NAA11: variants seen among roughly 807,000 people sequenced by gnomAD.
NAA11 encodes the protein N-alpha-acetyltransferase 11.
Under a neutral mutation model 16.1 loss-of-function variants are expected in NAA11, and 15 were observed. The observed-to-expected ratio is 0.93, with a 90% CI of 0.62 to 1.44. The LOEUF (loss-of-function observed/expected upper bound fraction) is 1.44, where lower values mean the gene tolerates loss of function less well. Among genes scored for constraint, NAA11 ranks in the 40% most tolerant of loss-of-function variants. The pLI, the probability that NAA11 is intolerant of heterozygous loss-of-function variation, is 0.00. For synonymous variants in NAA11, 122 were observed against 112.4 expected (o/e 1.09, Z -0.54); for missense variants, 298 against 291.3 (o/e 1.02, Z -0.17).
the NAA11 span, among the ~76,000 whole-genome samples, chr4:79,183,911 A>G: frequency 1.3e-5 from 2 of 152,210 alleles, no homozygotes; most frequent in African/African-American, 4.8e-5. Context: ...TTAAATGAGG[A>G]TCAAGTTATG....
the NAA11 span, among the ~76,000 whole-genome samples, chr4:79,206,911 A>T: frequency 6.6e-6 from 1 of 152,152 alleles, no homozygotes; most frequent in Admixed American, 6.6e-5. Context: ...AGCATCAAAG[A>T]ACAAGAATTT....
the NAA11 span, among the ~76,000 whole-genome samples, chr4:79,166,730 G>A: frequency 2.0e-5 from 3 of 148,890 alleles, no homozygotes; most frequent in Non-Finnish European, 3.0e-5. Flanking sequence ...TTAGCTGGGC[G>A]TGGTGGCACG....
the NAA11 span, among the ~76,000 whole-genome samples, chr4:79,217,203 G>A: frequency 1.3e-5 from 2 of 152,268 alleles, no homozygotes; most frequent in South Asian, 4.1e-4. Flanking sequence ...CCAGTGGCAG[G>A]CTTTGGGATG....
At chr4:79,203,545 C>T in the NAA11 span, among the ~76,000 whole-genome samples, 3 of 150,812 alleles carry the variant, frequency 2.0e-5, no homozygotes, top group African/African-American at 7.3e-5. Flanking sequence ...GTTTGTAAGA[C>T]AAAAACACAC....
intron 1 of NAA11, among the ~76,000 whole-genome samples, chr4:79,294,517 T>A (rs938690788): frequency 6.6e-6 from 1 of 152,196 alleles, no homozygotes; most frequent in Admixed American, 6.5e-5. Flanking sequence ...TTTATGAACA[T>A]GTCTAAATGC....
At chr4:79,319,822 T>G (rs1724039013) in intron 1 of NAA11, among the ~76,000 whole-genome samples, 1 of 152,232 alleles carries the variant, frequency 6.6e-6, no homozygotes, top group Non-Finnish European at 1.5e-5. Context: ...ACCAGACCTG[T>G]CAGTCTGTAG....
intron 2 of NAA11, among the ~76,000 whole-genome samples, chr4:79,282,483 T>C (rs1260742069): frequency 6.6e-6 from 1 of 152,030 alleles, no homozygotes; most frequent in African/African-American, 2.4e-5. Flanking sequence ...AGAGGTGGAA[T>C]TGACAAGAAT....
intron 2 of NAA11, among the ~76,000 whole-genome samples, chr4:79,285,239 CTG>C (rs1722881581): frequency 2.6e-5 from 4 of 152,206 alleles, no homozygotes; most frequent in Admixed American, 2.6e-4. Context: ...GACATGTTAA[CTG>C]TTGTTTATTT....
chr4:79,271,869 C>T (rs1560438898), intron 2 of NAA11, among the ~76,000 whole-genome samples: 2 of 151,848 alleles, frequency 1.3e-5, no homozygotes, highest in Non-Finnish European at 2.9e-5. Context: ...ACCTAGAATC[C>T]AGAGAGTCTA....
the NAA11 span, among the ~76,000 whole-genome samples, chr4:79,180,907 A>T: frequency 6.6e-6 from 1 of 152,218 alleles, no homozygotes; most frequent in African/African-American, 2.4e-5. Flanking sequence ...GCCATAAAAA[A>T]GGATGAGTTC....
intron 2 of NAA11, among the ~76,000 whole-genome samples, chr4:79,279,999 C>G (rs1208975993): frequency 6.6e-6 from 1 of 152,004 alleles, no homozygotes; most frequent in Non-Finnish European, 1.5e-5. Context: ...GATGTTTTGC[C>G]ACTTTCCTCT....
chr4:79,268,696 C>T (rs952419826), intron 2 of NAA11, among the ~76,000 whole-genome samples: 2 of 106,758 alleles, frequency 1.9e-5, no homozygotes, highest in Admixed American at 1.8e-4. Flanking sequence ...TAATTAAGGA[C>T]ACTTTGTATT....
At chr4:79,176,457 A>C in the NAA11 span, among the ~76,000 whole-genome samples, 1 of 152,114 alleles carries the variant, frequency 6.6e-6, no homozygotes, top group Admixed American at 6.6e-5. Flanking sequence ...CTGGAGACTC[A>C]GGAAAGAGTT....
At chr4:79,264,134 G>C (rs1722295355) in intron 2 of NAA11, among the ~76,000 whole-genome samples, 1 of 152,178 alleles carries the variant, frequency 6.6e-6, no homozygotes, top group Non-Finnish European at 1.5e-5. Flanking sequence ...CAGCACTAAA[G>C]TACAACCATG....
chr4:79,222,414 A>C (rs1289152921), downstream of NAA11, among the ~76,000 whole-genome samples: 7 of 151,666 alleles, frequency 4.6e-5, no homozygotes, highest in Middle Eastern at 3.2e-3. Context: ...TATTTAATAA[A>C]TGGTGCTGGG....
chr4:79,185,801 T>G, the NAA11 span, among the ~76,000 whole-genome samples: 30 of 152,102 alleles, frequency 2.0e-4, no homozygotes, highest in Non-Finnish European at 4.3e-4. Flanking sequence ...GGCAGGAAAC[T>G]CTTTCCAACT....
chr4:79,301,808 C>T (rs1315563106), intron 1 of NAA11, among the ~76,000 whole-genome samples: 1 of 152,118 alleles, frequency 6.6e-6, no homozygotes, highest in African/African-American at 2.4e-5. Flanking sequence ...CTTTGCAGGG[C>T]AAAGTTACCC....
chr4:79,208,386 A>G, the NAA11 span, among the ~76,000 whole-genome samples: 8 of 152,330 alleles, frequency 5.3e-5, no homozygotes, highest in African/African-American at 1.9e-4. Flanking sequence ...ACATAGTTAT[A>G]AAGTACCACG....
intron 1 of NAA11, among the ~76,000 whole-genome samples, chr4:79,298,755 C>T (rs1415460904): frequency 6.6e-6 from 1 of 152,256 alleles, no homozygotes; most frequent in African/African-American, 2.4e-5. Context: ...GTGCAGCCTA[C>T]TGGCCAAGTG....
Sources: allele counts gnomAD v4.1 joint callset (sites outside exome capture counted in the v4.1 genomes callset), GRCh38; gene constraint gnomAD v4.1.1; transcripts MANE v1.5; gene names NCBI Gene and HGNC (gene_info 2026-07-23, HGNC 2026-07-21).